Variants in PFKFB3 observed in about 807,000 individuals in gnomAD.
PFKFB3 encodes the protein 6-phosphofructo-2-kinase/fructose-2,6-biphosphatase 3.
In PFKFB3, 33 loss-of-function variants were observed where a neutral mutation model predicts 68.0. The observed-to-expected ratio is 0.49, with a 90% CI of 0.37 to 0.65. The LOEUF (loss-of-function observed/expected upper bound fraction) is 0.65. Ranked by LOEUF, PFKFB3 falls within the 30% of genes least tolerant of loss-of-function variation. The pLI is 0.00. For missense variants in PFKFB3, 586 were observed against 712.2 expected, an observed-to-expected ratio of 0.82 and a Z score of 2.02; for synonymous variants, 315 against 288.2, an observed-to-expected ratio of 1.09 and a Z score of -0.94.
chr10:6,183,314 A>AT (rs901748814), intron 1 of PFKFB3, among the ~76,000 whole-genome samples: 10 of 152,182 alleles, frequency 6.6e-5, no homozygotes, highest in Admixed American at 1.3e-4. Flanking sequence ...AATCTAGACT[A>AT]TTTTTTTGCT....
chr10:6,188,734 C>T (rs572051204), intron 1 of PFKFB3, among the ~76,000 whole-genome samples: 47 of 151,800 alleles, frequency 3.1e-4, no homozygotes, highest in African/African-American at 9.4e-4. Context: ...TGGAATCATA[C>T]GGTGTTTTTC....
chr10:6,266,879 C>T, the PFKFB3 span, among the ~76,000 whole-genome samples: 7 of 152,366 alleles, frequency 4.6e-5, no homozygotes, highest in African/African-American at 1.4e-4. Flanking sequence ...GCGAAGCAGG[C>T]CTTGCCTCCA....
chr10:6,282,358 C>A, the PFKFB3 span, among the ~76,000 whole-genome samples: 3 of 152,152 alleles, frequency 2.0e-5, no homozygotes, highest in East Asian at 3.8e-4. Context: ...GCATAACATA[C>A]CCTTGGGCGG....
chr10:6,250,609 A>G (rs1320278921), intron 14 of PFKFB3, among the ~76,000 whole-genome samples: 3 of 150,234 alleles, frequency 2.0e-5, no homozygotes, highest in African/African-American at 7.4e-5. Context: ...TTGAGAGGTG[A>G]TTAGGCCCTG....
the PFKFB3 span, among the ~76,000 whole-genome samples, chr10:6,287,417 A>T: frequency 6.0e-4 from 92 of 152,276 alleles, no homozygotes; most frequent in African/African-American, 2.1e-3. Flanking sequence ...TTTTTACTGT[A>T]CCTTTCTGAT....
chr10:6,299,359 A>G, the PFKFB3 span, among the ~76,000 whole-genome samples: 259 of 152,286 alleles, frequency 1.7e-3, no homozygotes, highest in African/African-American at 6.1e-3. Context: ...GGCAGGGGTG[A>G]GTCAGCTGAC....
intron 14 of PFKFB3, among the ~76,000 whole-genome samples, chr10:6,248,628 CAA>C (rs1215741346): frequency 2.8e-4 from 20 of 71,872 alleles, no homozygotes; most frequent in Admixed American, 6.6e-4. Flanking sequence ...GACTCCATCT[CAA>C]AAAAAAAAAA....
chr10:6,214,998 G>A (rs1022912802), intron 2 of PFKFB3, among the ~76,000 whole-genome samples: 2 of 152,240 alleles, frequency 1.3e-5, no homozygotes, highest in African/African-American at 4.8e-5. Flanking sequence ...GCATGCGGCA[G>A]GGGCATTGCA....
chr10:6,246,160 T>C (rs1449768772), intron 14 of PFKFB3, among the ~76,000 whole-genome samples: 1 of 152,070 alleles, frequency 6.6e-6, no homozygotes, highest in Admixed American at 6.5e-5. Context: ...ACACAGTGAA[T>C]TTGCCATGTG....
intron 1 of PFKFB3, among the ~76,000 whole-genome samples, chr10:6,210,366 T>G (rs1159256452): frequency 0.011 from 970 of 86,144 alleles, 57 homozygotes; most frequent in African/African-American, 0.029. Flanking sequence ...GTTTTTTTGT[T>G]TTTTTTTTTT....
rs1333918552 is a variant in PFKFB3 at position 6,220,928 on chromosome 10, G to A, written c.831+63G>A. On this transcript the variant is annotated intron_variant, in intron 8 of 14. Coordinates refer to ENST00000379775, the MANE Select transcript of PFKFB3 (RefSeq NM_004566.4). This position sits in a 1 kb window ranked among gnomAD's most constrained non-coding sequence, Gnocchi z 4.1. ...AGGGCGGTTGCAGGGTCTATAGGGTGGGTGGGGAGCTGTGTGCTGCTGCTG... is the reference window on the plus strand; with the variant it reads ...AGGGCGGTTGCAGGGTCTATAGGGTAGGTGGGGAGCTGTGTGCTGCTGCTG... 3.4e-6 allele frequency: 5 copies of A among 1,459,806 alleles called. No homozygotes were observed. Among genetic ancestry groups the A allele is most frequent in the African/African-American group, 2.9e-5 (2 of 69,592 alleles). 90.4% of individuals were successfully genotyped at this position (1,459,806 alleles called of 1,614,324 possible).
intron 14 of PFKFB3, chr10:6,231,305 A>C: frequency 6.2e-7 from 1 of 1,612,090 alleles, no homozygotes; most frequent in Non-Finnish European, 8.5e-7. Context: ...CTCCTTACTA[A>C]CTGTGGAAGG....
At chr10:6,163,912 A>C (rs611835) in intron 1 of PFKFB3, 1 of 152,078 alleles carries the variant, frequency 6.6e-6, no homozygotes, top group Non-Finnish European at 1.5e-5. Flanking sequence ...TGGGCCCCCT[A>C]CGCTCTGGGG....
At chr10:6,166,163 G>A (rs1157718105) in intron 1 of PFKFB3, among the ~76,000 whole-genome samples, 1 of 152,064 alleles carries the variant, frequency 6.6e-6, no homozygotes, top group East Asian at 1.9e-4. Context: ...GTGATTTTTA[G>A]TAGAGATAGG....
upstream of PFKFB3, among the ~76,000 whole-genome samples, chr10:6,202,022 G>A (rs193256210): frequency 3.8e-3 from 575 of 152,348 alleles, 3 homozygotes; most frequent in African/African-American, 0.013. Context: ...TGCCTAATAA[G>A]GGGCCGCCCC....
At chr10:6,267,973 A>AAAAT in the PFKFB3 span, among the ~76,000 whole-genome samples, 1 of 151,274 alleles carries the variant, frequency 6.6e-6, no homozygotes, top group Non-Finnish European at 1.5e-5. Context: ...AAAAAAAAAA[A>AAAAT]AAAATCAAAT....
intron 14 of PFKFB3, among the ~76,000 whole-genome samples, chr10:6,245,390 C>T (rs59105324): frequency 0.017 from 2,234 of 134,878 alleles, 35 homozygotes; most frequent in East Asian, 0.065. Flanking sequence ...CTACTGCACC[C>T]GGCCTATTTG....
At chr10:6,181,787 G>C (rs866952989) in intron 1 of PFKFB3, among the ~76,000 whole-genome samples, 1 of 120,666 alleles carries the variant, frequency 8.3e-6, no homozygotes, top group African/African-American at 3.2e-5. Context: ...GATAGAGTAA[G>C]ACTCCGTTTA....
intron 1 of PFKFB3, among the ~76,000 whole-genome samples, chr10:6,158,726 G>T (rs1841881954): frequency 6.6e-6 from 1 of 152,052 alleles, no homozygotes; most frequent in African/African-American, 2.4e-5. Flanking sequence ...AGTCAGCCAG[G>T]CATGATGGCA....
Sources: allele counts gnomAD v4.1 joint callset (sites outside exome capture counted in the v4.1 genomes callset), GRCh38; gene constraint gnomAD v4.1.1; non-coding constraint Gnocchi (gnomAD v3.1); transcripts MANE v1.5; gene names NCBI Gene and HGNC (gene_info 2026-07-23, HGNC 2026-07-21).